DNAH7: variants seen among roughly 807,000 people sequenced by gnomAD.
The protein encoded by DNAH7 is axonemal beta dynein heavy chain 7.
In DNAH7, 397 loss-of-function variants were observed where a neutral mutation model predicts 444.6. That is an observed-to-expected ratio of 0.89 (90% CI 0.82 to 0.97). The LOEUF (loss-of-function observed/expected upper bound fraction) is 0.97, where lower values mean the gene tolerates loss of function less well. Among genes scored for constraint, DNAH7 ranks in the 50% least tolerant of loss-of-function variants. The probability of loss-of-function intolerance (pLI) is 0.00; values close to 1 mark genes in which losing one functional copy is unlikely to be tolerated. For missense variants in DNAH7, 4,902 were observed against 4,800.8 expected (o/e 1.02, Z -0.62); for synonymous variants, 1,636 against 1,624.4 (o/e 1.01, Z -0.17).
At chr2:195,982,976 A>G (rs1692673670) in intron 15 of DNAH7, among the ~76,000 whole-genome samples, 1 of 152,196 alleles carries the variant, frequency 6.6e-6, no homozygotes, top group Admixed American at 6.5e-5. Context: ...AGCTAAAAGT[A>G]TGTAATTGGA....
At chr2:195,791,323 C>T (rs560514328) in intron 57 of DNAH7, among the ~76,000 whole-genome samples, 16 of 148,818 alleles carry the variant, frequency 1.1e-4, no homozygotes, top group African/African-American at 2.7e-4. Context: ...AAAAATTAGC[C>T]GGGCGAGGTG....
At chr2:195,997,522 G>T (rs1297241667) in intron 12 of DNAH7, among the ~76,000 whole-genome samples, 2 of 152,068 alleles carry the variant, frequency 1.3e-5, no homozygotes, top group Non-Finnish European at 2.9e-5. Flanking sequence ...CATTCATTTT[G>T]ATATGAATTT....
chr2:195,744,815 TAACA>T (rs1693287029), intron 63 of DNAH7, among the ~76,000 whole-genome samples: 1 of 152,084 alleles, frequency 6.6e-6, no homozygotes, highest in South Asian at 2.1e-4. Context: ...GAAGGAAAAC[TAACA>T]AACAGAAAGG....
chr2:195,883,475 C>T (rs964711063), intron 35 of DNAH7, among the ~76,000 whole-genome samples: 2 of 144,162 alleles, frequency 1.4e-5, no homozygotes, highest in Non-Finnish European at 3.0e-5. Flanking sequence ...AAAAAAGAAT[C>T]AGAAACGCTG....
At chr2:195,847,834 T>C (rs1699102458) in intron 46 of DNAH7, among the ~76,000 whole-genome samples, 1 of 152,162 alleles carries the variant, frequency 6.6e-6, no homozygotes, top group Admixed American at 6.5e-5. Context: ...TGCGAGTGGC[T>C]ACGGCAGGGC....
chr2:196,053,676 A>G (rs1697627527), intron 2 of DNAH7, among the ~76,000 whole-genome samples: 1 of 152,184 alleles, frequency 6.6e-6, no homozygotes, highest in African/African-American at 2.4e-5. Flanking sequence ...CTCTGATCAT[A>G]CTGCTCCCCT....
intron 51 of DNAH7, among the ~76,000 whole-genome samples, chr2:195,812,046 G>C (rs1024442521): frequency 6.6e-6 from 1 of 152,112 alleles, no homozygotes; most frequent in Non-Finnish European, 1.5e-5. Flanking sequence ...TATCTTTTCA[G>C]GCTTTTGCAT....
chr2:195,922,902 C>A (rs1688110530), intron 23 of DNAH7, among the ~76,000 whole-genome samples: 1 of 151,954 alleles, frequency 6.6e-6, no homozygotes, highest in Non-Finnish European at 1.5e-5. Context: ...CACTCTGTCA[C>A]CCAGGCTGGA....
intron 1 of DNAH7, among the ~76,000 whole-genome samples, chr2:196,065,316 G>A (rs1343643318): frequency 6.6e-6 from 1 of 152,036 alleles, no homozygotes; most frequent in Non-Finnish European, 1.5e-5. Context: ...TCTTCATAAG[G>A]GTGTCATATG....
intron 49 of DNAH7, among the ~76,000 whole-genome samples, chr2:195,819,396 C>A (rs1391482081): frequency 6.6e-6 from 1 of 152,186 alleles, no homozygotes; most frequent in Non-Finnish European, 1.5e-5. Flanking sequence ...ATGCTCCCTA[C>A]AAACTTATTG....
At position 195,766,693 on chromosome 2, in the gene DNAH7, C is replaced by G. The variant is rs897029305; in HGVS notation, c.11433+4967G>C. Among the ~76,000 whole-genome samples the G allele has an allele frequency of 4.6e-5, 7 of 152,114 alleles. No homozygotes were observed. In the South Asian group the frequency reaches 1.5e-3, roughly 32 times the overall value. The stretch of plus-strand genomic sequence containing the variant: ...TAAAAATAACTAAAAGAGAATAATT[C>G]ATTGTTTGTAACACAAAGGATCCAT... On this transcript the variant is annotated intron_variant, in intron 61 of 64. Transcript: ENST00000312428.
chr2:196,038,771 A>C (rs1168678508), intron 5 of DNAH7, among the ~76,000 whole-genome samples: 1 of 152,220 alleles, frequency 6.6e-6, no homozygotes, highest in Non-Finnish European at 1.5e-5. Context: ...TAAGTAAAAA[A>C]ACATAAAAAG....
At chr2:195,747,024 C>G (rs1693458285) in intron 63 of DNAH7, among the ~76,000 whole-genome samples, 1 of 151,794 alleles carries the variant, frequency 6.6e-6, no homozygotes, top group Non-Finnish European at 1.5e-5. Flanking sequence ...AATAGAGACA[C>G]AAAAAAACCC....
chr2:195,964,749 G>A (rs1345802748), intron 17 of DNAH7, among the ~76,000 whole-genome samples: 11 of 150,610 alleles, frequency 7.3e-5, no homozygotes, highest in African/African-American at 9.8e-5. Flanking sequence ...GGTGGCACGC[G>A]CTTGTAGTCC....
intron 60 of DNAH7, among the ~76,000 whole-genome samples, chr2:195,774,950 C>A (rs891117798): frequency 2.4e-4 from 36 of 152,142 alleles, no homozygotes; most frequent in Admixed American, 1.5e-3. Flanking sequence ...GGACTAATTT[C>A]CTTTCAAAAA....
chr2:195,754,294 C>A, intron 63 of DNAH7, 43 bp downstream of exon 63: 2 of 1,544,348 alleles, frequency 1.3e-6, no homozygotes, highest in South Asian at 2.5e-5. Context: ...TGTTTTTGTT[C>A]AGTGCCCAGA....
At chr2:196,046,276 C>T (rs1328647498) in intron 5 of DNAH7, among the ~76,000 whole-genome samples, 3 of 152,066 alleles carry the variant, frequency 2.0e-5, no homozygotes, top group Non-Finnish European at 4.4e-5. Context: ...GAAGATGATG[C>T]CATAGGCCTG....
At chr2:196,006,392 T>C (rs1426578651) in intron 10 of DNAH7, among the ~76,000 whole-genome samples, 2 of 152,084 alleles carry the variant, frequency 1.3e-5, no homozygotes, top group Non-Finnish European at 2.9e-5. Context: ...GAAAAATCAA[T>C]GTAATACGCC....
At position 196,029,502 on chromosome 2, in the gene DNAH7, T is replaced by C. The variant is rs530637736; in HGVS notation, c.399-1455A>G. ...ATTCTATCATTCTAGGGCCAGCAAT[T>C]ACTATTGCTCCTCACCGAGAGCAAT... On this transcript the variant is annotated intron_variant, in intron 5 of 64. Transcript: ENST00000312428. Among the ~76,000 whole-genome samples, 13 of 151,450 alleles carry C rather than the reference T, an allele frequency of 8.6e-5. 1 individual carries two copies. The highest frequency in any genetic ancestry group is 3.1e-4 in the African/African-American group (13 of 41,272).
Sources: gnomAD v4.1 joint callset for allele counts (sites outside exome capture counted in the v4.1 genomes callset) on GRCh38, gnomAD v4.1.1 for gene constraint, MANE v1.5 for transcripts, NCBI Gene and HGNC (gene_info 2026-07-23, HGNC 2026-07-21) for gene names.